PKP4: variants seen among roughly 807,000 people sequenced by gnomAD.
PKP4 encodes plakophilin 4.
Under a neutral mutation model 145.1 loss-of-function variants are expected in PKP4, and 90 were observed. The observed-to-expected ratio is 0.62, with a 90% CI of 0.52 to 0.74. The LOEUF is 0.74. Ranked by LOEUF, PKP4 falls within the 30% of genes least tolerant of loss-of-function variation. The pLI, the probability that PKP4 is intolerant of heterozygous loss-of-function variation, is 0.00. For synonymous variants in PKP4, 563 were observed against 577.2 expected (o/e 0.98, Z 0.35); for missense variants, 1,340 against 1,482.7 (o/e 0.90, Z 1.58).
At chr2:158,652,939 G>A (rs1422981782) in intron 11 of PKP4, among the ~76,000 whole-genome samples, 3 of 152,146 alleles carry the variant, frequency 2.0e-5, no homozygotes, top group East Asian at 1.9e-4. Context: ...CATCATGAAC[G>A]TCTTGTGAAA....
At chr2:158,550,140 A>ACTCTATTAATTCTATTAAT (rs1559309812) in intron 2 of PKP4, among the ~76,000 whole-genome samples, 1 of 151,864 alleles carries the variant, frequency 6.6e-6, no homozygotes, top group Non-Finnish European at 1.5e-5. Flanking sequence ...TTCTGCCAAG[A>ACTCTATTAATTCTATTAAT]AGAAGTTAAA....
chr2:158,499,463 T>C (rs1696233814), intron 1 of PKP4, among the ~76,000 whole-genome samples: 1 of 152,208 alleles, frequency 6.6e-6, no homozygotes, highest in Non-Finnish European at 1.5e-5. Context: ...TTTCCAGCTA[T>C]AGAGAAACTG....
At chr2:158,465,676 C>T (rs756507305) in intron 1 of PKP4, among the ~76,000 whole-genome samples, 2 of 152,118 alleles carry the variant, frequency 1.3e-5, no homozygotes, top group African/African-American at 2.4e-5. Flanking sequence ...CAAAATCTCT[C>T]GTGATGTATG....
chr2:158,517,012 C>A lies in PKP4; in HGVS notation c.-5-16168C>A, dbSNP rs550169277. The stretch of plus-strand genomic sequence containing the variant: ...TATAAATATTGTTAAATATTCAAGT[C>A]TTTAAGCAATTTTACTTTGTTTTTA... On this transcript the variant is annotated intron_variant, in intron 1 of 21. Transcript: ENST00000389759. Among the ~76,000 whole-genome samples the A allele has an allele frequency of 3.3e-5, 5 of 152,230 alleles. No homozygotes were observed. In the South Asian group the frequency reaches 6.2e-4, roughly 19 times the overall value.
intron 2 of PKP4, among the ~76,000 whole-genome samples, chr2:158,542,549 T>C (rs2044612861): frequency 6.6e-6 from 1 of 152,238 alleles, no homozygotes; most frequent in Non-Finnish European, 1.5e-5. Flanking sequence ...TGAATAATTT[T>C]TTTTTAAAAG....
At chr2:158,506,941 G>A (rs1177671655) in intron 1 of PKP4, among the ~76,000 whole-genome samples, 1 of 152,176 alleles carries the variant, frequency 6.6e-6, no homozygotes, top group African/African-American at 2.4e-5. Flanking sequence ...ACTCACTTTA[G>A]AGGATGTGTT....
chr2:158,629,333 A>G (rs953134378), intron 7 of PKP4, among the ~76,000 whole-genome samples: 85 of 152,264 alleles, frequency 5.6e-4, no homozygotes, highest in Non-Finnish European at 5.9e-5. Flanking sequence ...GTATAATGAC[A>G]GAACACTGAC....
chr2:158,679,707 G>T (rs2058302085), intron 21 of PKP4, among the ~76,000 whole-genome samples: 1 of 152,230 alleles, frequency 6.6e-6, no homozygotes, highest in Non-Finnish European at 1.5e-5. Flanking sequence ...GCCCTGTGTG[G>T]GTGCCCACGT....
intron 1 of PKP4, among the ~76,000 whole-genome samples, chr2:158,459,599 T>C (rs1689443046): frequency 6.6e-6 from 1 of 152,218 alleles, no homozygotes; most frequent in African/African-American, 2.4e-5. Context: ...CCAGTAACAC[T>C]GTGGAGGATA....
At chr2:158,644,048 G>GCCACCAGGTGTA (rs2054593558) in intron 11 of PKP4, among the ~76,000 whole-genome samples, 3 of 151,918 alleles carry the variant, frequency 2.0e-5, no homozygotes, top group Admixed American at 2.0e-4. Flanking sequence ...TTACAGGTGT[G>GCCACCAGGTGTA]AGCCACTGCA....
At chr2:158,462,743 G>T (rs570206556) in intron 1 of PKP4, among the ~76,000 whole-genome samples, 6 of 152,042 alleles carry the variant, frequency 3.9e-5, no homozygotes, top group African/African-American at 1.4e-4. Flanking sequence ...TCCAATTCTG[G>T]CACTGCAACT....
At chr2:158,503,241 C>G (rs1574143922) in intron 1 of PKP4, among the ~76,000 whole-genome samples, 1 of 152,218 alleles carries the variant, frequency 6.6e-6, no homozygotes, top group East Asian at 1.9e-4. Context: ...GAAGATATGT[C>G]AAAAGGAATT....
At chr2:158,647,413 C>G (rs2054935421) in intron 11 of PKP4, among the ~76,000 whole-genome samples, 1 of 152,138 alleles carries the variant, frequency 6.6e-6, no homozygotes, top group South Asian at 2.1e-4. Flanking sequence ...AGTTATTAAT[C>G]CAGTCTTTTT....
rs554775789 is a variant in PKP4 at position 158,589,363 on chromosome 2, T to C, written c.245+11980T>C. Among the ~76,000 whole-genome samples the C allele has an allele frequency of 6.6e-5, 10 of 152,226 alleles. No homozygotes were observed. The South Asian group carries it at 2.1e-3, about 32-fold the overall frequency. On this transcript the variant is annotated intron_variant, in intron 3 of 21. Transcript: ENST00000389759. ...TTTTTCTCTTGCTTTACCATTGGAG[T>C]GTCAAGGGGGTGGGAAGACTTCAGT... is the stretch of plus-strand genomic sequence containing the variant.
At chr2:158,529,531 C>G (rs1220512360) in intron 1 of PKP4, among the ~76,000 whole-genome samples, 1 of 152,208 alleles carries the variant, frequency 6.6e-6, no homozygotes, top group African/African-American at 2.4e-5. Flanking sequence ...TGTGTGCATT[C>G]CTGTTAATGT....
At chr2:158,673,528 G>C in intron 17 of PKP4, 149 bp from the exon 18 acceptor site, 1 of 642,998 alleles carries the variant, frequency 1.6e-6, no homozygotes, top group Non-Finnish European at 2.8e-6. Context: ...AGGCACACCT[G>C]GTCCCTTTGT....
At position 158,680,511 on chromosome 2, in the gene PKP4, G is replaced by A. The variant is rs1304192932; in HGVS notation, c.3413G>A (p.Ser1138Asn). ...AGATTGTATTTGCAGTCTCCTCATA[G>A]CTATGAAGATCCTTATTTTGATGAC... ...AYRLYLQSPH[S>N]YEDPYFDDRV... The change falls in exon 22 of 22, where the codon AGC becomes AAC. Residue 1138 changes from serine to asparagine, a missense_variant. Coordinates refer to ENST00000389759, the MANE Select transcript of PKP4 (RefSeq NM_003628.6). The A allele has an allele frequency of 3.1e-6, 5 of 1,613,924 alleles. No individual in the cohort carries two copies. Among genetic ancestry groups the A allele is most frequent in the East Asian group, 2.2e-5 (1 of 44,868 alleles).
At position 158,676,786 on chromosome 2, in the gene PKP4, C is replaced by T. The variant is rs1287545493; in HGVS notation, c.3175C>T (p.Arg1059Cys). The T allele has an allele frequency of 8.1e-6, 13 of 1,613,642 alleles. No homozygotes were observed. Among genetic ancestry groups the T allele is most frequent in the South Asian group, 4.4e-5 (4 of 91,080 alleles). ...SPALLGIRDPRSEYDRTQPPM... is the reference protein window; with the variant it reads ...SPALLGIRDPCSEYDRTQPPM... ...AGCACTGTTAGGAATCAGAGACCCT[C>T]GCTCTGAATACGATAGGACCCAGCC... The change falls in exon 20 of 22, where the codon CGC becomes TGC. Residue 1059 changes from arginine (R) to cysteine (C), a missense_variant. Coordinates refer to ENST00000389759, the MANE Select transcript of PKP4 (RefSeq NM_003628.6).
chr2:158,579,174 C>T (rs1444016655), intron 3 of PKP4, among the ~76,000 whole-genome samples: 1 of 152,120 alleles, frequency 6.6e-6, no homozygotes, highest in Non-Finnish European at 1.5e-5. Context: ...AAGATGAGCT[C>T]ACAGTGAGAT....
Sources: allele counts gnomAD v4.1 joint callset (sites outside exome capture counted in the v4.1 genomes callset), GRCh38; gene constraint gnomAD v4.1.1; transcripts MANE v1.5; gene names NCBI Gene and HGNC (gene_info 2026-07-23, HGNC 2026-07-21).